SORCS1: variants seen among roughly 807,000 people sequenced by gnomAD.
SORCS1 encodes the protein VPS10 domain-containing receptor SorCS1.
A neutral mutation model predicts 146.1 loss-of-function variants in SORCS1; 60 were observed. That is an observed-to-expected ratio of 0.41 (90% confidence interval 0.33 to 0.51). The LOEUF is 0.51. SORCS1 is among the 20% of genes least tolerant of loss of function. SORCS1 has a pLI of 0.21. For synonymous variants in SORCS1, 637 were observed against 584.0 expected (o/e 1.09, Z -1.31); for missense variants, 1,352 against 1,487.6 (o/e 0.91, Z 1.50).
chr10:106,756,281 C>A (rs536548998), intron 5 of SORCS1, among the ~76,000 whole-genome samples: 40 of 152,226 alleles, frequency 2.6e-4, no homozygotes, highest in Non-Finnish European at 1.3e-4. Flanking sequence ...ACACTGGTAG[C>A]CAGTGGGCAT....
At chr10:107,019,065 C>T (rs1279665459) in intron 1 of SORCS1, among the ~76,000 whole-genome samples, 2 of 152,142 alleles carry the variant, frequency 1.3e-5, no homozygotes, top group East Asian at 3.9e-4. Context: ...CAGCTCATAT[C>T]TCAGCTGTAA....
At chr10:106,859,168 T>C (rs1455705310) in intron 2 of SORCS1, among the ~76,000 whole-genome samples, 2 of 152,198 alleles carry the variant, frequency 1.3e-5, no homozygotes, top group Non-Finnish European at 2.9e-5. Context: ...CACAGTTTTC[T>C]TCCCAGGGAT....
intron 2 of SORCS1, among the ~76,000 whole-genome samples, chr10:106,905,534 A>C (rs1403177353): frequency 6.6e-6 from 1 of 152,218 alleles, no homozygotes; most frequent in Non-Finnish European, 1.5e-5. Context: ...TGTTCAAGAA[A>C]AGTTTGTAGT....
At chr10:106,788,878 A>G (rs1946184329) in intron 3 of SORCS1, among the ~76,000 whole-genome samples, 1 of 152,176 alleles carries the variant, frequency 6.6e-6, no homozygotes, top group African/African-American at 2.4e-5. Context: ...GTGTGGGGGC[A>G]CTGACCCATT....
At chr10:106,980,757 C>T (rs1426027567) in intron 1 of SORCS1, among the ~76,000 whole-genome samples, 1 of 152,122 alleles carries the variant, frequency 6.6e-6, no homozygotes, top group Admixed American at 6.6e-5. Flanking sequence ...ATGCTGAAAG[C>T]TTTATAAGAC....
intron 19 of SORCS1, among the ~76,000 whole-genome samples, chr10:106,623,378 C>T (rs922338638): frequency 6.6e-6 from 1 of 151,616 alleles, no homozygotes; most frequent in Non-Finnish European, 1.5e-5. Flanking sequence ...GAGTAGCTAG[C>T]TGGGACTACA....
At chr10:107,177,355 G>A in the SORCS1 span, among the ~76,000 whole-genome samples, 1 of 152,068 alleles carries the variant, frequency 6.6e-6, no homozygotes, top group African/African-American at 2.4e-5. Flanking sequence ...TCTTTGGCCA[G>A]TTTCCCCCAA....
At chr10:106,691,279 C>G (rs1175375119) in intron 9 of SORCS1, among the ~76,000 whole-genome samples, 1 of 152,154 alleles carries the variant, frequency 6.6e-6, no homozygotes, top group African/African-American at 2.4e-5. Context: ...TGACAAACCT[C>G]CCATGGGAAT....
chr10:106,926,524 G>A (rs1340796708), intron 2 of SORCS1, among the ~76,000 whole-genome samples: 1 of 151,988 alleles, frequency 6.6e-6, no homozygotes, highest in Non-Finnish European at 1.5e-5. Flanking sequence ...CAATTATAAA[G>A]TTACCTTTTA....
intron 1 of SORCS1, among the ~76,000 whole-genome samples, chr10:107,093,678 C>CA (rs35208711): frequency 0.59 from 78,504 of 132,102 alleles, 22,658 homozygotes; most frequent in Middle Eastern, 0.74. Flanking sequence ...GACTCAGTCT[C>CA]AAAAAAAAAA....
At chr10:106,649,871 T>C (rs1337482445) in intron 18 of SORCS1, among the ~76,000 whole-genome samples, 2 of 152,190 alleles carry the variant, frequency 1.3e-5, no homozygotes, top group African/African-American at 4.8e-5. Flanking sequence ...TCTATTCATA[T>C]GGGTTCAATT....
At chr10:107,180,521 T>G in the SORCS1 span, among the ~76,000 whole-genome samples, 3 of 152,256 alleles carry the variant, frequency 2.0e-5, no homozygotes, top group South Asian at 4.1e-4. Flanking sequence ...TTCTCTTTTT[T>G]TCCTTTGTTG....
At chr10:107,097,976 G>A (rs1964651242) in intron 1 of SORCS1, among the ~76,000 whole-genome samples, 1 of 152,146 alleles carries the variant, frequency 6.6e-6, no homozygotes, top group African/African-American at 2.4e-5. Context: ...TTACACAGTA[G>A]GGTGATCGAT....
intron 2 of SORCS1, among the ~76,000 whole-genome samples, chr10:106,831,998 T>C (rs928568239): frequency 5.3e-5 from 8 of 152,164 alleles, no homozygotes; most frequent in African/African-American, 1.9e-4. Context: ...TCAAGAATAT[T>C]TGAGGAGCAT....
chr10:106,989,668 C>CTTTTTTTTTTTTTTTT (rs1564895028), intron 1 of SORCS1, among the ~76,000 whole-genome samples: 1 of 127,220 alleles, frequency 7.9e-6, no homozygotes, highest in African/African-American at 3.5e-5. Context: ...CATATTTTTT[C>CTTTTTTTTTTTTTTTT]TGTTTTTTTT....
chr10:107,146,968 G>T (rs961577618), intron 1 of SORCS1, among the ~76,000 whole-genome samples: 14 of 151,976 alleles, frequency 9.2e-5, no homozygotes, highest in Admixed American at 7.9e-4. Context: ...CTCAAATAGT[G>T]CCTGGCACAT....
intron 2 of SORCS1, among the ~76,000 whole-genome samples, chr10:106,913,595 G>A (rs953325494): frequency 4.6e-5 from 7 of 152,218 alleles, no homozygotes; most frequent in Admixed American, 2.0e-4. Context: ...TGTGTATGGT[G>A]AGGAGGTTAT....
At chr10:106,834,775 A>G (rs1948715004) in intron 2 of SORCS1, among the ~76,000 whole-genome samples, 1 of 152,230 alleles carries the variant, frequency 6.6e-6, no homozygotes, top group African/African-American at 2.4e-5. Context: ...CACTTGTACC[A>G]TTTTTAAAAA....
chr10:107,076,315 A>G (rs533880484), intron 1 of SORCS1, among the ~76,000 whole-genome samples: 137 of 152,266 alleles, frequency 9.0e-4, no homozygotes, highest in African/African-American at 3.1e-3. Context: ...CCTACACTCA[A>G]GGAATCTACT....
Sources: allele counts gnomAD v4.1 joint callset (sites outside exome capture counted in the v4.1 genomes callset), GRCh38; gene constraint gnomAD v4.1.1; transcripts MANE v1.5; gene names NCBI Gene and HGNC (gene_info 2026-07-23, HGNC 2026-07-21).